The following CORO2B variants were observed in gnomAD, a reference collection of about 807,000 sequenced individuals.
CORO2B encodes coronin-2B.
Under a neutral mutation model 58.8 loss-of-function variants are expected in CORO2B, and 26 were observed. That is an observed-to-expected ratio of 0.44 (90% CI 0.32 to 0.61). The LOEUF is 0.61. Ranked by LOEUF, CORO2B falls within the 20% of genes least tolerant of loss-of-function variation. The pLI is 0.04. For synonymous variants in CORO2B, 242 were observed against 253.8 expected, an observed-to-expected ratio of 0.95 and a Z score of 0.44; for missense variants, 460 against 645.1, an observed-to-expected ratio of 0.71 and a Z score of 3.11.
At chr15:68,548,189 A>ATATATATATGTG in the CORO2B span, among the ~76,000 whole-genome samples, 1 of 145,066 alleles carries the variant, frequency 6.9e-6, no homozygotes, top group African/African-American at 2.6e-5. Context: ...ATATATATAT[A>ATATATATATGTG]TGTGTGTGTG....
chr15:68,688,005 C>A (rs1903043770), intron 2 of CORO2B, among the ~76,000 whole-genome samples: 1 of 152,224 alleles, frequency 6.6e-6, no homozygotes, highest in African/African-American at 2.4e-5. Flanking sequence ...AGCCATAGCA[C>A]CCTCCAGACC....
rs191554639 is a variant in CORO2B at position 68,726,369 on chromosome 15, G to A, written c.*395G>A. 1.4e-5 allele frequency: 4 copies of A among 279,050 alleles called. No homozygotes were observed. The East Asian group carries it at 4.6e-4, about 32-fold the overall frequency. The allele number at this position is 279,050 out of a possible 1,614,324, so 17.3% of individuals were successfully genotyped here. A position where few individuals can be genotyped will look rare whatever the true frequency, so the allele number is the denominator to read the frequency against. On this transcript the variant is annotated 3_prime_UTR_variant, in exon 12 of 12. Coordinates refer to ENST00000261861, the MANE Select transcript of CORO2B (RefSeq NM_006091.5). ...TGAAGGGGGCTGCCAGGACATCTCA[G>A]CACTCCCGCCTGGAGCTCTCAGCAT...
chr15:68,534,492 T>C, the CORO2B span, among the ~76,000 whole-genome samples: 155 of 152,376 alleles, frequency 1.0e-3, no homozygotes, highest in African/African-American at 3.6e-3. Flanking sequence ...TACTGGATAA[T>C]GAACTCAACT....
At position 68,726,620 on chromosome 15, in the gene CORO2B, A is replaced by T. The variant is rs17279860; in HGVS notation, c.*646A>T. On this transcript the variant is annotated 3_prime_UTR_variant, in exon 12 of 12. Coordinates refer to ENST00000261861, the MANE Select transcript of CORO2B (RefSeq NM_006091.5). ...CCCCTTGCCTTCCCCATGATTCTCTACAAAGCTCTTGCACACCCTTTTCCC... is the reference window on the plus strand; with the variant it reads ...CCCCTTGCCTTCCCCATGATTCTCTTCAAAGCTCTTGCACACCCTTTTCCC... 44,274 of 153,346 alleles carry T rather than the reference A, an allele frequency of 0.29. 6,910 individuals are homozygous for T. Among genetic ancestry groups the T allele is most frequent in the Admixed American group, 0.42 (6,359 of 15,278 alleles). The allele number at this position is 153,346 out of a possible 1,614,324, so 9.5% of individuals were successfully genotyped here. A position where few individuals can be genotyped will look rare whatever the true frequency, so the allele number is the denominator to read the frequency against.
intron 8 of CORO2B, among the ~76,000 whole-genome samples, chr15:68,716,902 A>C (rs1439856433): frequency 1.3e-5 from 2 of 152,140 alleles, no homozygotes; most frequent in Non-Finnish European, 2.9e-5. Context: ...CATGGGATGC[A>C]TTAGCCTGGG....
intron 9 of CORO2B, 101 bp downstream of exon 9, chr15:68,718,911 C>T: frequency 9.1e-7 from 1 of 1,104,048 alleles, no homozygotes; most frequent in Non-Finnish European, 1.4e-6. Context: ...GAGAGATGTG[C>T]TGTGAACTGG....
the CORO2B span, among the ~76,000 whole-genome samples, chr15:68,530,976 C>T: frequency 6.6e-6 from 1 of 152,276 alleles, no homozygotes; most frequent in South Asian, 2.1e-4. Flanking sequence ...TTGTTTGTCT[C>T]ATCTACTTTT....
At chr15:68,562,502 G>A in the CORO2B span, among the ~76,000 whole-genome samples, 9 of 152,166 alleles carry the variant, frequency 5.9e-5, no homozygotes, top group African/African-American at 2.2e-4. Context: ...TAAAATATGG[G>A]TGGCTCAGTT....
upstream of CORO2B, among the ~76,000 whole-genome samples, chr15:68,574,336 G>A (rs915093028): frequency 6.6e-6 from 1 of 152,192 alleles, no homozygotes; most frequent in African/African-American, 2.4e-5. Context: ...GGGTGGAGGA[G>A]CATCTCCCTC....
chr15:68,683,747 C>T (rs965008003), intron 2 of CORO2B, among the ~76,000 whole-genome samples: 4 of 152,312 alleles, frequency 2.6e-5, no homozygotes, highest in East Asian at 1.9e-4. Context: ...TTCTACCTCT[C>T]GGCAAGAGAG....
chr15:68,596,390 C>A (rs1899830861), intron 1 of CORO2B, among the ~76,000 whole-genome samples: 1 of 150,352 alleles, frequency 6.7e-6, no homozygotes, highest in East Asian at 2.0e-4. Flanking sequence ...GAAGGGGATC[C>A]CCTGTGGAAT....
chr15:68,526,041 C>T, the CORO2B span, among the ~76,000 whole-genome samples: 5 of 152,156 alleles, frequency 3.3e-5, no homozygotes, highest in East Asian at 1.9e-4. Context: ...CTTTCACACC[C>T]GGCTTCTCTC....
rs60989044 is a variant in CORO2B at position 68,672,159 on chromosome 15, G to GGTGTGTGTGTGTGTGTGTGTGT, written c.217-22976_217-22955dup. Among the ~76,000 whole-genome samples, 661 of 146,282 alleles carry GGTGTGTGTGTGTGTGTGTGTGT rather than the reference G, an allele frequency of 4.5e-3. 6 individuals carry two copies. Among genetic ancestry groups the GGTGTGTGTGTGTGTGTGTGTGT allele is most frequent in the Non-Finnish European group, 6.0e-3 (399 of 66,770 alleles). On this transcript the variant is annotated intron_variant, in intron 2 of 11. Transcript: ENST00000261861. Reference sequence around the variant, plus strand: ...TCCCTGAGCAACTTGGTAATCGGGAGGTGTGTGTGTGTGTGTGTGTGTGTG... The same window carrying GGTGTGTGTGTGTGTGTGTGTGT: ...TCCCTGAGCAACTTGGTAATCGGGAGGTGTGTGTGTGTGTGTGTGTGTGTGTGTGTGTGTGTGTGTGTGTGTG...
At chr15:68,523,185 C>T in the CORO2B span, among the ~76,000 whole-genome samples, 1 of 151,906 alleles carries the variant, frequency 6.6e-6, no homozygotes, top group African/African-American at 2.4e-5. Flanking sequence ...TTTTTCTTTT[C>T]TTTCTTTTTT....
chr15:68,698,680 A>G (rs1892571059), intron 3 of CORO2B, among the ~76,000 whole-genome samples: 2 of 152,156 alleles, frequency 1.3e-5, no homozygotes, highest in African/African-American at 2.4e-5. Context: ...TGGGTGGCCA[A>G]TGGAGTGTTA....
At chr15:68,652,906 C>A (rs907219115) in intron 2 of CORO2B, among the ~76,000 whole-genome samples, 1 of 152,180 alleles carries the variant, frequency 6.6e-6, no homozygotes, top group Non-Finnish European at 1.5e-5. Flanking sequence ...TATAAATGTG[C>A]CTTGTATTAC....
At chr15:68,690,649 T>TCTTTTC (rs762490603) in intron 2 of CORO2B, among the ~76,000 whole-genome samples, 33,764 of 141,130 alleles carry the variant, frequency 0.24, 4,208 homozygotes, top group African/African-American at 0.3. Flanking sequence ...TAGCTTTCTT[T>TCTTTTC]TTTTTTTTTT....
In CORO2B at chr15:68,714,674, G is replaced by A; in HGVS notation, c.870+11G>A. On this transcript the variant is annotated intron_variant, in intron 7 of 11. Coordinates refer to ENST00000261861, the MANE Select transcript of CORO2B (RefSeq NM_006091.5). ...TACCTGGCTGGAAAGGTAGTAGGAG[G>A]TGGGGGAGGGCCCGGGGCAGCCTGT... 1 of 1,606,818 alleles carries A rather than the reference G, an allele frequency of 6.2e-7. No individual in the cohort carries two copies. The highest frequency in any genetic ancestry group is 8.5e-7 in the Non-Finnish European group (1 of 1,173,686).
chr15:68,614,571 A>C (rs1284465904), intron 1 of CORO2B, among the ~76,000 whole-genome samples: 1 of 152,218 alleles, frequency 6.6e-6, no homozygotes, highest in East Asian at 1.9e-4. Context: ...GACTAAGACA[A>C]GGAGAGCTCC....
Sources: allele counts gnomAD v4.1 joint callset (sites outside exome capture counted in the v4.1 genomes callset), GRCh38; gene constraint gnomAD v4.1.1; transcripts MANE v1.5; gene names NCBI Gene and HGNC (gene_info 2026-07-23, HGNC 2026-07-21).